The following NKAIN4 variants were observed in gnomAD, a reference collection of about 807,000 sequenced individuals.
The protein encoded by NKAIN4 is sodium/potassium-transporting ATPase subunit beta-1-interacting protein 4.
In NKAIN4, 28 loss-of-function variants were observed where a neutral mutation model predicts 28.8. The ratio of observed to expected loss-of-function variants is 0.97; its 90% CI spans 0.72 to 1.33. The LOEUF (loss-of-function observed/expected upper bound fraction) is 1.33. NKAIN4 is among the 40% of genes most tolerant of loss of function. The probability of loss-of-function intolerance (pLI) is 0.00; values close to 1 mark genes in which losing one functional copy is unlikely to be tolerated. For missense variants in NKAIN4, 289 were observed against 277.2 expected (o/e 1.04, Z -0.30); for synonymous variants, 122 against 115.6 (o/e 1.06, Z -0.36).
chr20:63,247,993 C>T, intron 3 of NKAIN4: 1 of 495,640 alleles, frequency 2.0e-6, no homozygotes. Context: ...CCTCGACCCA[C>T]ACACCTCCTC....
At position 63,242,789 on chromosome 20, in the gene NKAIN4, G is replaced by T. The variant is rs530821572; in HGVS notation, c.533-166C>A. 3.8e-3 allele frequency among the ~76,000 whole-genome samples: 577 copies of T among 150,752 alleles called. 4 individuals are homozygous for T. Among genetic ancestry groups the T allele is most frequent in the African/African-American group, 0.013 (528 of 40,986 alleles). Reference sequence around the variant, plus strand: ...GAGGGAACATGGCCTGGGGGGACGGGGGGGGTGGGACACCCGGGTCCTCGG... The same window carrying T: ...GAGGGAACATGGCCTGGGGGGACGGTGGGGGTGGGACACCCGGGTCCTCGG... On this transcript the variant is annotated intron_variant, in intron 5 of 6. Coordinates refer to ENST00000370316, the MANE Select transcript of NKAIN4 (RefSeq NM_152864.4).
chr20:63,251,790 T>C (rs1441963801), intron 1 of NKAIN4, among the ~76,000 whole-genome samples: 1 of 152,200 alleles, frequency 6.6e-6, no homozygotes, highest in Non-Finnish European at 1.5e-5. Flanking sequence ...TATTGTTGTA[T>C]TATATATTTT....
In NKAIN4 at chr20:63,242,583, A is replaced by G. The variant is rs552995832; in HGVS notation, c.573T>C (p.His191=). ...AGAGACTGGATGGCTTTTCATTGAC[A>G]TGGTAGAGAGGAAATGGATCAAATC... The part of the protein sequence containing the change: ...IGGFDPFPLY[H]VNEKPSSLLS... The change falls in exon 6 of 7, where the codon CAT becomes CAC. Residue 191 remains histidine (H), a synonymous_variant. Coordinates refer to ENST00000370316, the MANE Select transcript of NKAIN4 (RefSeq NM_152864.4). 31 of 1,613,684 alleles carry G rather than the reference A, an allele frequency of 1.9e-5. No homozygotes were observed. Among genetic ancestry groups the G allele is most frequent in the South Asian group, 1.8e-4 (16 of 91,082 alleles).
chr20:63,242,788 G>A (rs1300375582), intron 5 of NKAIN4, among the ~76,000 whole-genome samples, 165 bp from the exon 6 acceptor site: 1 of 151,560 alleles, frequency 6.6e-6, no homozygotes, highest in East Asian at 1.9e-4. Flanking sequence ...TGGGGGGACG[G>A]GGGGGGTGGG....
intron 4 of NKAIN4, chr20:63,244,614 A>G (rs2066822671): frequency 2.2e-6 from 1 of 461,680 alleles, no homozygotes; most frequent in Admixed American, 2.4e-5. Flanking sequence ...AACTCCGGGC[A>G]GAGTTGGGGG....
intron 1 of NKAIN4, among the ~76,000 whole-genome samples, chr20:63,250,534 A>C (rs1461101035): frequency 6.6e-6 from 1 of 152,054 alleles, no homozygotes; most frequent in East Asian, 1.9e-4. Context: ...GGTTCACAAG[A>C]GTACTGGACG....
At chr20:63,242,276 AC>A (rs370051620) in intron 6 of NKAIN4, among the ~76,000 whole-genome samples, 178 of 151,998 alleles carry the variant, frequency 1.2e-3, no homozygotes, top group African/African-American at 4.2e-3. Context: ...CGACTCCTGG[AC>A]CCAACCCCCT....
chr20:63,250,763 G>C (rs1354639873), intron 1 of NKAIN4, among the ~76,000 whole-genome samples: 2 of 152,136 alleles, frequency 1.3e-5, no homozygotes, highest in Non-Finnish European at 2.9e-5. Flanking sequence ...AAGAAAACCT[G>C]AGCAAAGCCA....
rs772619197 is a variant in NKAIN4 at position 63,248,860 on chromosome 20, G to A, written c.228C>T (p.Asn76=). ...CCAGGTAGAAGCAGATGATGAAGAC[G>A]TTCCAGGTGACCCAGACGGCTGCCC... ...TLWAAVWVTW[N]VFIICFYLEV... is the part of the protein sequence containing the mutation. The change falls in exon 3 of 7, where the codon AAC becomes AAT. Residue 76 remains asparagine (N), a synonymous_variant. Transcript: ENST00000370316. 21 of 1,612,784 alleles carry A rather than the reference G, an allele frequency of 1.3e-5. No individual in the cohort carries two copies. The highest frequency in any genetic ancestry group is 2.2e-5 in the South Asian group (2 of 91,074).
In NKAIN4 at chr20:63,245,800, C is replaced by G. The variant is rs1429008332; in HGVS notation, c.472-1716G>C. ...CATCCTATCAAAGAAATTCCCATCC[C>G]TGGGAGTCAGGATAAAAGCCAACAG... On this transcript the variant is annotated intron_variant, in intron 4 of 6. Coordinates refer to ENST00000370316, the MANE Select transcript of NKAIN4 (RefSeq NM_152864.4). The surrounding 1 kb of genome is among the most constrained non-coding windows in gnomAD (Gnocchi z 4.7). Among the ~76,000 whole-genome samples, 1 of 152,168 alleles carries G rather than the reference C, an allele frequency of 6.6e-6. No homozygotes were observed. The highest frequency in any genetic ancestry group is 1.5e-5 in the Non-Finnish European group (1 of 68,028).
chr20:63,254,551 G>T, upstream of NKAIN4: 2 of 814,516 alleles, frequency 2.5e-6, no homozygotes, highest in Non-Finnish European at 3.2e-6. Flanking sequence ...CGCCCCCTCC[G>T]CATCCCGTTC....
Position 63,246,534 on chromosome 20 carries a change from G to A in NKAIN4, c.471+1044C>T, listed in dbSNP as rs961247509. The A allele has an allele frequency of 1.3e-5, 13 of 985,328 alleles. No individual in the cohort carries two copies. The East Asian group carries it at 3.4e-4, about 26-fold the overall frequency. 61.0% of individuals were successfully genotyped at this position (985,328 alleles called of 1,614,324 possible). On this transcript the variant is annotated intron_variant, in intron 4 of 6. Coordinates refer to ENST00000370316, the MANE Select transcript of NKAIN4 (RefSeq NM_152864.4). The stretch of plus-strand genomic sequence containing the variant: ...CTCACGAGGCCACCCGCACCGTCAC[G>A]TGTGCTCAGGCCACGGGCTCCTTAG...
chr20:63,254,626 C>G, upstream of NKAIN4: 1 of 450,368 alleles, frequency 2.2e-6, no homozygotes, highest in Non-Finnish European at 3.6e-6. Flanking sequence ...TGCGTCTCCC[C>G]TCCCACCCCC....
chr20:63,254,493 GCC>G, upstream of NKAIN4: 1 of 1,255,832 alleles, frequency 8.0e-7, no homozygotes, highest in Non-Finnish European at 1.0e-6. Context: ...CCCGCGCTCG[GCC>G]CCCGCCCCCG....
At chr20:63,244,926 G>A (rs2066828768) in intron 4 of NKAIN4, among the ~76,000 whole-genome samples, 1 of 152,218 alleles carries the variant, frequency 6.6e-6, no homozygotes, top group South Asian at 2.1e-4. Flanking sequence ...TGCACCTCAG[G>A]CCAACCACTC....
At chr20:63,248,790 G>A (rs199879209) in intron 3 of NKAIN4, 25 bp downstream of exon 3, 15 of 1,533,532 alleles carry the variant, frequency 9.8e-6, no homozygotes, top group South Asian at 2.2e-5. Context: ...GAAGGACCTC[G>A]CGCTGCCTCC....
chr20:63,254,255 C>T lies in NKAIN4; in HGVS notation c.54+142G>A, dbSNP rs2067013025. The T allele has an allele frequency of 4.7e-6, 3 of 635,240 alleles. No homozygotes were observed. In the African/African-American group the frequency reaches 5.8e-5, roughly 12 times the overall value. 39.4% of individuals were successfully genotyped at this position (635,240 alleles called of 1,614,324 possible). A position where few individuals can be genotyped will look rare whatever the true frequency, so the allele number is the denominator to read the frequency against. On this transcript the variant is annotated intron_variant, in intron 1 of 6. Coordinates refer to ENST00000370316, the MANE Select transcript of NKAIN4 (RefSeq NM_152864.4). ...GACGCCACCTTCGGCCGTAGCAGCC[C>T]GGGGTCCGAGGCATCCCCCCTCGGA...
At chr20:63,249,850 A>T in intron 2 of NKAIN4, 85 bp downstream of exon 2, 1 of 1,445,394 alleles carries the variant, frequency 6.9e-7, no homozygotes, top group Non-Finnish European at 9.4e-7. Flanking sequence ...TGTCCAGGAA[A>T]ATATGCCAGG....
At position 63,245,016 on chromosome 20, in the gene NKAIN4, C is replaced by T. The variant is rs960236974; in HGVS notation, c.472-932G>A. On this transcript the variant is annotated intron_variant, in intron 4 of 6. Coordinates refer to ENST00000370316, the MANE Select transcript of NKAIN4 (RefSeq NM_152864.4). This position sits in a 1 kb window ranked among gnomAD's most constrained non-coding sequence, Gnocchi z 4.7. ...CCATAGACTTGGCCCAACAGCCCCCCGTGAAGGCCACCGTGCCCAGGAGAG... is the reference window on the plus strand; with the variant it reads ...CCATAGACTTGGCCCAACAGCCCCCTGTGAAGGCCACCGTGCCCAGGAGAG... 8.5e-5 allele frequency among the ~76,000 whole-genome samples: 13 copies of T among 152,180 alleles called. No homozygotes were observed. Among genetic ancestry groups the T allele is most frequent in the African/African-American group, 2.9e-4 (12 of 41,448 alleles).
Sources: allele counts gnomAD v4.1 joint callset (sites outside exome capture counted in the v4.1 genomes callset), GRCh38; gene constraint gnomAD v4.1.1; non-coding constraint Gnocchi (gnomAD v3.1); transcripts MANE v1.5; gene names NCBI Gene and HGNC (gene_info 2026-07-23, HGNC 2026-07-21).